The following PCDHGA9 variants were observed in gnomAD, a reference collection of about 807,000 sequenced individuals.
PCDHGA9 encodes the protein protocadherin gamma-A9.
A neutral mutation model predicts 62.5 loss-of-function variants in PCDHGA9; 37 were observed. The ratio of observed to expected loss-of-function variants is 0.59; its 90% CI spans 0.46 to 0.78. PCDHGA9 has a LOEUF of 0.78. Among genes scored for constraint, PCDHGA9 ranks in the 30% least tolerant of loss-of-function variants. The pLI is 0.00. For missense variants in PCDHGA9, 1,138 were observed against 1,166.2 expected (o/e 0.98, Z 0.35); for synonymous variants, 459 against 484.6 (o/e 0.95, Z 0.69).
chr5:141,431,731 T>G lies in PCDHGA9; in HGVS notation c.2424+26355T>G. 6.2e-7 allele frequency: 1 copy of G among 1,614,210 alleles called. No homozygotes were observed. The highest frequency in any genetic ancestry group is 8.5e-7 in the Non-Finnish European group (1 of 1,180,034). Reference sequence around the variant, plus strand: ...AGATGGAAGTGCAAGCAATGGATAATGCAGGATATTCTGCGCGAGCCAAAG... The same window carrying G: ...AGATGGAAGTGCAAGCAATGGATAAGGCAGGATATTCTGCGCGAGCCAAAG... On this transcript the variant is annotated intron_variant, in intron 1 of 3. Coordinates refer to ENST00000573521, the MANE Select transcript of PCDHGA9 (RefSeq NM_018921.3). The surrounding 1 kb of genome is among the most constrained non-coding windows in gnomAD (Gnocchi z 4.8).
At chr5:141,464,995 G>A (rs1330469198) in intron 1 of PCDHGA9, among the ~76,000 whole-genome samples, 1 of 151,962 alleles carries the variant, frequency 6.6e-6, no homozygotes, top group East Asian at 1.9e-4. Context: ...TCCCACCTCA[G>A]CCTCCCAAAG....
Position 141,405,415 on chromosome 5 carries a change from GT to G in PCDHGA9, c.2424+45del, listed in dbSNP as rs757320616. The G allele has an allele frequency of 3.1e-4, 488 of 1,559,566 alleles. 1 individual carries two copies. Among genetic ancestry groups the G allele is most frequent in the Admixed American group, 8.4e-4 (46 of 54,770 alleles). On this transcript the variant is annotated intron_variant, in intron 1 of 3. Transcript: ENST00000573521. Reference sequence around the variant, plus strand: ...TTTTCTTTCTTTCTTTTCTTTTTTTGTTTTTTGTTTTGTTTTGTTTTTGAGA... The same window carrying G: ...TTTTCTTTCTTTCTTTTCTTTTTTTGTTTTTGTTTTGTTTTGTTTTTGAGA...
In PCDHGA9 at chr5:141,477,073, G is replaced by A. The variant is rs755445666; in HGVS notation, c.2425-17734G>A. The A allele has an allele frequency of 1.2e-6, 2 of 1,614,264 alleles. No homozygotes were observed. The highest frequency in any genetic ancestry group is 2.2e-5 in the East Asian group (1 of 44,882). On this transcript the variant is annotated intron_variant, in intron 1 of 3. Coordinates refer to ENST00000573521, the MANE Select transcript of PCDHGA9 (RefSeq NM_018921.3). This position sits in a 1 kb window ranked among gnomAD's most constrained non-coding sequence, Gnocchi z 4.9. ...ACTTCGAGGACACCAAACTCCATGA[G>A]ATTTACATCCAGGCCAAAGACAAGG...
chr5:141,476,357 C>G lies in PCDHGA9; in HGVS notation c.2425-18450C>G. On this transcript the variant is annotated intron_variant, in intron 1 of 3. Transcript: ENST00000573521. The surrounding 1 kb of genome is among the most constrained non-coding windows in gnomAD (Gnocchi z 7.6). ...TAGCCGAAGATTCTTTGAGGTGAAC[C>G]GGGAGACCGGAGAGATGTTTGTGAA... The G allele has an allele frequency of 6.2e-7, 1 of 1,614,052 alleles. No individual in the cohort carries two copies. Among genetic ancestry groups the G allele is most frequent in the South Asian group, 1.1e-5 (1 of 91,078 alleles).
intron 1 of PCDHGA9, among the ~76,000 whole-genome samples, chr5:141,444,275 G>A (rs1427489988): frequency 7.1e-6 from 1 of 141,698 alleles, no homozygotes; most frequent in Non-Finnish European, 1.5e-5. Flanking sequence ...AGGTTCAAGT[G>A]ATTCTCCTGC....
Position 141,490,909 on chromosome 5 carries a change from G to T in PCDHGA9, c.2425-3898G>T. 4 of 1,613,744 alleles carry T rather than the reference G, an allele frequency of 2.5e-6. No individual in the cohort carries two copies. Among genetic ancestry groups the T allele is most frequent in the Non-Finnish European group, 3.4e-6 (4 of 1,179,762 alleles). ...ATCTCTGCATGTGTTTGTCCTAGAC[G>T]AGAATGATAATGCCCCAGCTGTGCT... On this transcript the variant is annotated intron_variant, in intron 1 of 3. Transcript: ENST00000573521. The surrounding 1 kb of genome is among the most constrained non-coding windows in gnomAD (Gnocchi z 5.4).
Position 141,485,790 on chromosome 5 carries a change from C to T in PCDHGA9, c.2425-9017C>T. On this transcript the variant is annotated intron_variant, in intron 1 of 3. Transcript: ENST00000573521. This position sits in a 1 kb window ranked among gnomAD's most constrained non-coding sequence, Gnocchi z 5.7. The stretch of plus-strand genomic sequence containing the variant: ...AAGCCTTTGGATCGAGAGAAGCAAT[C>T]GGACTACCGCCTGGTGCTGACTGCT... 6.2e-7 allele frequency: 1 copy of T among 1,614,204 alleles called. No homozygotes were observed. Among genetic ancestry groups the T allele is most frequent in the Non-Finnish European group, 8.5e-7 (1 of 1,180,032 alleles).
In PCDHGA9 at chr5:141,415,715, T is replaced by G. The variant is rs1051923200; in HGVS notation, c.2424+10339T>G. 4 of 1,428,132 alleles carry G rather than the reference T, an allele frequency of 2.8e-6. No individual in the cohort carries two copies. In the African/African-American group the frequency reaches 4.5e-5, roughly 16 times the overall value. The allele number at this position is 1,428,132 out of a possible 1,614,324, so 88.5% of individuals were successfully genotyped here. Reference sequence around the variant, plus strand: ...GAAAGTGTAAATGCTAAAACACTGATGAGTAGAATTTGATGTTTATTAAGG... The same window carrying G: ...GAAAGTGTAAATGCTAAAACACTGAGGAGTAGAATTTGATGTTTATTAAGG... On this transcript the variant is annotated intron_variant, in intron 1 of 3. Transcript: ENST00000573521.
chr5:141,465,778 A>G (rs544366126), intron 1 of PCDHGA9, among the ~76,000 whole-genome samples: 1 of 148,538 alleles, frequency 6.7e-6, no homozygotes, highest in East Asian at 1.9e-4. Context: ...CTCTTGTTAC[A>G]GTTTTTTTTT....
Position 141,476,562 on chromosome 5 carries a change from C to G in PCDHGA9, c.2425-18245C>G. 1 of 1,614,218 alleles carries G rather than the reference C, an allele frequency of 6.2e-7. No individual in the cohort carries two copies. The highest frequency in any genetic ancestry group is 1.1e-5 in the South Asian group (1 of 91,088). On this transcript the variant is annotated intron_variant, in intron 1 of 3. Transcript: ENST00000573521. This position sits in a 1 kb window ranked among gnomAD's most constrained non-coding sequence, Gnocchi z 7.6. The stretch of plus-strand genomic sequence containing the variant: ...AAATTGGAGATTAGCGAGGCCGTGG[C>G]TCCGGGGACGCGCTTTCCGCTCGAG...
chr5:141,507,716 C>T (rs567867232), intron 3 of PCDHGA9, among the ~76,000 whole-genome samples: 1 of 152,372 alleles, frequency 6.6e-6, no homozygotes, highest in South Asian at 2.1e-4. Flanking sequence ...CCCAAACCCT[C>T]CAAGCAAGTC....
rs116140192 is a variant in PCDHGA9, at chr5:141,497,400, A to C, written c.2483+2535A>C. Among the ~76,000 whole-genome samples, 87 of 152,110 alleles carry C rather than the reference A, an allele frequency of 5.7e-4. 1 individual carries two copies. Among genetic ancestry groups the C allele is most frequent in the African/African-American group, 2.0e-3 (82 of 41,484 alleles). ...GGGGTGAGCACCTTACCCCTGCCTCAACTCCCATTCCATCAAATGAGAGGC... is the reference window on the plus strand; with the variant it reads ...GGGGTGAGCACCTTACCCCTGCCTCCACTCCCATTCCATCAAATGAGAGGC... On this transcript the variant is annotated intron_variant, in intron 2 of 3. Coordinates refer to ENST00000573521, the MANE Select transcript of PCDHGA9 (RefSeq NM_018921.3).
intron 1 of PCDHGA9, chr5:141,426,496 G>A: frequency 3.0e-6 from 1 of 337,022 alleles, no homozygotes; most frequent in South Asian, 2.4e-5. Flanking sequence ...AGTTAGTGCA[G>A]AGAAACAATA....
chr5:141,458,165 A>T lies in PCDHGA9; in HGVS notation c.2425-36642A>T, dbSNP rs10075475. On this transcript the variant is annotated intron_variant, in intron 1 of 3. Coordinates refer to ENST00000573521, the MANE Select transcript of PCDHGA9 (RefSeq NM_018921.3). Reference sequence around the variant, plus strand: ...TGAACATGCTCCAAATTTTGTTCACAGTAGTATACCTTACTTGATTATTAA... The same window carrying T: ...TGAACATGCTCCAAATTTTGTTCACTGTAGTATACCTTACTTGATTATTAA... Among the ~76,000 whole-genome samples the T allele has an allele frequency of 2.4e-3, 368 of 152,356 alleles. 2 individuals carry two copies. The highest frequency in any genetic ancestry group is 8.5e-3 in the African/African-American group (354 of 41,588).
chr5:141,415,837 A>G (rs1232795581), intron 1 of PCDHGA9: 1 of 1,272,340 alleles, frequency 7.9e-7, no homozygotes, highest in Admixed American at 4.0e-5. Flanking sequence ...TGTTATGATT[A>G]GCTTTGCAGA....
At chr5:141,437,863 G>A (rs2097915247) in intron 1 of PCDHGA9, among the ~76,000 whole-genome samples, 2 of 151,480 alleles carry the variant, frequency 1.3e-5, no homozygotes, top group African/African-American at 2.4e-5. Context: ...TTAGCCTCCC[G>A]AGTAGCTGGG....
Position 141,432,617 on chromosome 5 carries a change from G to T in PCDHGA9, c.2424+27241G>T, listed in dbSNP as rs2097521313. The T allele has an allele frequency of 6.2e-7, 1 of 1,613,578 alleles. No homozygotes were observed. The highest frequency in any genetic ancestry group is 1.3e-5 in the African/African-American group (1 of 74,842). On this transcript the variant is annotated intron_variant, in intron 1 of 3. Coordinates refer to ENST00000573521, the MANE Select transcript of PCDHGA9 (RefSeq NM_018921.3). This position sits in a 1 kb window ranked among gnomAD's most constrained non-coding sequence, Gnocchi z 6.0. ...CAGCGAGCCGGGACTCTTCTCGGTGGGTCTGCACACGGGCGAGGTGCGCAC... is the reference window on the plus strand; with the variant it reads ...CAGCGAGCCGGGACTCTTCTCGGTGTGTCTGCACACGGGCGAGGTGCGCAC...
In PCDHGA9 at chr5:141,485,578, G is replaced by A; in HGVS notation, c.2425-9229G>A. ...ATGATCACGCCCCCCGTTTTCCGCG[G>A]CAGCAGCTGGACTTGGAAATTGGGG... is the stretch of plus-strand genomic sequence containing the variant. On this transcript the variant is annotated intron_variant, in intron 1 of 3. Transcript: ENST00000573521. This position sits in a 1 kb window ranked among gnomAD's most constrained non-coding sequence, Gnocchi z 5.7. 6.2e-7 allele frequency: 1 copy of A among 1,612,362 alleles called. No homozygotes were observed. Among genetic ancestry groups the A allele is most frequent in the Non-Finnish European group, 8.5e-7 (1 of 1,178,688 alleles).
chr5:141,505,270 G>C, intron 2 of PCDHGA9, 123 bp from the exon 3 acceptor site: 1 of 1,520,726 alleles, frequency 6.6e-7, no homozygotes, highest in African/African-American at 1.4e-5. Context: ...CTTGCTGAGA[G>C]AAACAGGTCT....
Sources: allele counts gnomAD v4.1 joint callset (sites outside exome capture counted in the v4.1 genomes callset), GRCh38; gene constraint gnomAD v4.1.1; non-coding constraint Gnocchi (gnomAD v3.1); transcripts MANE v1.5; gene names NCBI Gene and HGNC (gene_info 2026-07-23, HGNC 2026-07-21).